The following LDB2 variants were observed in gnomAD, a reference collection of about 807,000 sequenced individuals.
LDB2 encodes the protein LIM domain-binding protein 2.
LDB2 carries 12 observed loss-of-function variants against 44.3 expected under a neutral mutation model. That is an observed-to-expected ratio of 0.27 (90% CI 0.17 to 0.44). LDB2 has a LOEUF of 0.44. LDB2 is among the 20% of genes least tolerant of loss of function. The pLI is 1.00. For missense variants in LDB2, 344 were observed against 473.5 expected (o/e 0.73, Z 2.54); for synonymous variants, 164 against 174.8 (o/e 0.94, Z 0.49).
At chr4:16,559,711 C>T (rs1244191947) in intron 5 of LDB2, among the ~76,000 whole-genome samples, 6 of 152,018 alleles carry the variant, frequency 3.9e-5, no homozygotes, top group Admixed American at 6.6e-5. Context: ...CTGCACCAAG[C>T]GGACCTAATA....
Position 16,595,734 on chromosome 4 carries a change from A to T in LDB2, c.377T>A (p.Val126Asp). Residue 126 changes from valine (V) to aspartate (D), a missense_variant, in exon 3 of 8, where the codon GTC (valine) becomes GAC (aspartate). By Grantham distance (152) the Val-to-Asp change is radical. This residue lies in a region of LDB2 where 226 missense variants were observed against 270.1 expected (regional missense o/e 0.84). Transcript: ENST00000304523. ...AAACATGGGCTTCCCGTGCTGGGTG[A>T]CCATGGTACACTGGTCGCAGTCCAC... ...ITVDCDQCTMVTQHGKPMFTK... is the reference protein window; with the variant it reads ...ITVDCDQCTMDTQHGKPMFTK... 1 of 1,613,684 alleles carries T rather than the reference A, an allele frequency of 6.2e-7. No homozygotes were observed. The highest frequency in any genetic ancestry group is 8.5e-7 in the Non-Finnish European group (1 of 1,179,788).
At chr4:16,680,992 C>T (rs189626162) in intron 2 of LDB2, among the ~76,000 whole-genome samples, 6 of 152,260 alleles carry the variant, frequency 3.9e-5, no homozygotes, top group Admixed American at 3.9e-4. Flanking sequence ...AAAGATGCGC[C>T]TCAGGACTAC....
chr4:16,660,925 T>C (rs1309511395), intron 2 of LDB2, among the ~76,000 whole-genome samples: 2 of 152,170 alleles, frequency 1.3e-5, no homozygotes, highest in African/African-American at 2.4e-5. Context: ...ATACCAGGAA[T>C]ATAGGCATTG....
At chr4:16,859,797 T>C (rs559088346) in intron 1 of LDB2, among the ~76,000 whole-genome samples, 2 of 152,334 alleles carry the variant, frequency 1.3e-5, no homozygotes, top group South Asian at 4.1e-4. Context: ...ATCTGCTATG[T>C]GCCAGACACA....
At chr4:16,882,656 C>T (rs1348836830) in intron 1 of LDB2, among the ~76,000 whole-genome samples, 3 of 152,134 alleles carry the variant, frequency 2.0e-5, no homozygotes, top group Admixed American at 6.6e-5. Flanking sequence ...CGTATCCTTT[C>T]AGACAAACAC....
chr4:16,804,505 C>A (rs1778431517), intron 1 of LDB2, among the ~76,000 whole-genome samples: 2 of 152,234 alleles, frequency 1.3e-5, no homozygotes, highest in Admixed American at 6.5e-5. Context: ...TTGTGCAACA[C>A]AGCAATGGTT....
intron 2 of LDB2, among the ~76,000 whole-genome samples, chr4:16,741,714 T>G (rs944463504): frequency 6.6e-6 from 1 of 152,202 alleles, no homozygotes; most frequent in African/African-American, 2.4e-5. Context: ...TTGACTCCCC[T>G]CTACACACCC....
chr4:16,808,773 CTTGGTGAAGTA>C (rs376642929), intron 1 of LDB2, among the ~76,000 whole-genome samples: 44 of 152,224 alleles, frequency 2.9e-4, no homozygotes, highest in African/African-American at 1.1e-3. Context: ...TGCTAGAAAA[CTTGGTGAAGTA>C]TCAGAACAGT....
chr4:16,678,459 C>T (rs889984963), intron 2 of LDB2, among the ~76,000 whole-genome samples: 1 of 152,074 alleles, frequency 6.6e-6, no homozygotes, highest in African/African-American at 2.4e-5. Context: ...AGGCAAAATG[C>T]AGTGTTGGGG....
chr4:16,696,377 C>T (rs1026450137), intron 2 of LDB2, among the ~76,000 whole-genome samples: 2 of 152,074 alleles, frequency 1.3e-5, no homozygotes, highest in East Asian at 1.9e-4. Context: ...GCACTAATGA[C>T]GATTATATTA....
rs938617510 is a variant in LDB2, at chr4:16,567,519, C to T, written c.615+18403G>A. Among the ~76,000 whole-genome samples the T allele has an allele frequency of 8.5e-5, 13 of 152,260 alleles. No homozygotes were observed. In the East Asian group the frequency reaches 2.1e-3, roughly 25 times the overall value. On this transcript the variant is annotated intron_variant, in intron 5 of 7. Transcript: ENST00000304523. ...AACTGCCTCTCTCTAGAGAGGGGAA[C>T]TGAGTGTTTGGGAGGCCGAGGCGGG...
chr4:16,758,410 A>G (rs1767128303), intron 2 of LDB2, among the ~76,000 whole-genome samples: 1 of 152,282 alleles, frequency 6.6e-6, no homozygotes, highest in South Asian at 2.1e-4. Flanking sequence ...CCTAGGTGCA[A>G]CACTGATTTC....
chr4:16,538,985 A>T (rs927860148), intron 5 of LDB2, among the ~76,000 whole-genome samples: 1 of 152,156 alleles, frequency 6.6e-6, no homozygotes, highest in African/African-American at 2.4e-5. Context: ...TCAAGTCCTG[A>T]TCCTGTACTA....
intron 1 of LDB2, among the ~76,000 whole-genome samples, chr4:16,827,404 C>T (rs534423298): frequency 2.0e-5 from 3 of 152,190 alleles, no homozygotes; most frequent in South Asian, 2.1e-4. Flanking sequence ...TGCTCTTAAA[C>T]GTATTCAGAA....
chr4:16,720,898 C>T (rs924248219), intron 2 of LDB2, among the ~76,000 whole-genome samples: 1 of 152,038 alleles, frequency 6.6e-6, no homozygotes, highest in African/African-American at 2.4e-5. Flanking sequence ...ATTTTCTAAG[C>T]ACAAGAGCAG....
intron 2 of LDB2, among the ~76,000 whole-genome samples, chr4:16,694,911 A>G (rs901155432): frequency 6.6e-6 from 1 of 152,222 alleles, no homozygotes; most frequent in African/African-American, 2.4e-5. Context: ...CTATCTATCA[A>G]TGCAAGGAGT....
intron 2 of LDB2, among the ~76,000 whole-genome samples, chr4:16,712,674 T>C (rs2152664541): frequency 6.6e-6 from 1 of 152,304 alleles, no homozygotes; most frequent in Non-Finnish European, 1.5e-5. Context: ...TACTACTTCA[T>C]ACACACTAGG....
chr4:16,697,266 T>TAC (rs57040700), intron 2 of LDB2, among the ~76,000 whole-genome samples: 7,463 of 130,700 alleles, frequency 0.057, 240 homozygotes, highest in African/African-American at 0.08. Flanking sequence ...CTACTAAAAA[T>TAC]ACACACACAC....
intron 1 of LDB2, among the ~76,000 whole-genome samples, chr4:16,875,817 G>A (rs892747981): frequency 1.3e-5 from 2 of 152,212 alleles, no homozygotes; most frequent in Non-Finnish European, 2.9e-5. Flanking sequence ...CCTTATGAAA[G>A]TCACATTCAC....
Sources: allele counts gnomAD v4.1 joint callset (sites outside exome capture counted in the v4.1 genomes callset), GRCh38; gene constraint gnomAD v4.1.1; regional missense constraint gnomAD v4.1.1; transcripts MANE v1.5; gene names NCBI Gene and HGNC (gene_info 2026-07-23, HGNC 2026-07-21).